Variants in TSHZ2 observed in about 807,000 individuals in gnomAD.
TSHZ2 encodes the protein teashirt zinc finger homeobox 2, also known as teashirt homolog 2.
In TSHZ2, 21 loss-of-function variants were observed where a neutral mutation model predicts 74.4. The observed-to-expected ratio is 0.28, with a 90% CI of 0.20 to 0.41. The LOEUF (loss-of-function observed/expected upper bound fraction) is 0.41. TSHZ2 is among the 10% of genes least tolerant of loss of function. The pLI is 1.00. For synonymous variants in TSHZ2, 540 were observed against 515.3 expected, an observed-to-expected ratio of 1.05 and a Z score of -0.65; for missense variants, 1,244 against 1,293.5, an observed-to-expected ratio of 0.96 and a Z score of 0.59.
intron 1 of TSHZ2, among the ~76,000 whole-genome samples, chr20:53,059,068 T>C (rs1182757764): frequency 6.6e-6 from 1 of 152,232 alleles, no homozygotes; most frequent in Non-Finnish European, 1.5e-5. Flanking sequence ...CTAAACATTT[T>C]TTCCCTGTCT....
intron 2 of TSHZ2, among the ~76,000 whole-genome samples, chr20:53,419,894 G>A (rs73913745): frequency 0.033 from 5,100 of 152,302 alleles, 258 homozygotes; most frequent in African/African-American, 0.11. Flanking sequence ...CCACGCTGCC[G>A]ATCTCCTAAT....
intron 1 of TSHZ2, among the ~76,000 whole-genome samples, chr20:53,056,994 G>C (rs1984662641): frequency 6.6e-6 from 1 of 152,178 alleles, no homozygotes; most frequent in African/African-American, 2.4e-5. Context: ...GACCTGGTGG[G>C]AGGTCATTGA....
intron 1 of TSHZ2, among the ~76,000 whole-genome samples, chr20:53,051,010 G>A (rs529781259): frequency 4.3e-4 from 66 of 152,266 alleles, no homozygotes; most frequent in African/African-American, 1.5e-3. Flanking sequence ...GGGAACTAGA[G>A]CATTTAGTAT....
At chr20:53,096,203 G>T (rs1443170306) in intron 1 of TSHZ2, among the ~76,000 whole-genome samples, 2 of 152,174 alleles carry the variant, frequency 1.3e-5, no homozygotes, top group African/African-American at 4.8e-5. Context: ...GTGCAGTGCT[G>T]CAATCTCGGC....
chr20:53,477,892 C>G (rs1051907696), intron 2 of TSHZ2, among the ~76,000 whole-genome samples: 1 of 151,260 alleles, frequency 6.6e-6, no homozygotes, highest in African/African-American at 2.4e-5. Context: ...ATTTATGCAG[C>G]CAACAGACAC....
intron 2 of TSHZ2, among the ~76,000 whole-genome samples, chr20:53,258,129 A>G (rs996463918): frequency 6.6e-6 from 1 of 152,192 alleles, no homozygotes; most frequent in African/African-American, 2.4e-5. Context: ...TCTAGACCCA[A>G]ATGAAGACTA....
At chr20:53,235,953 C>T (rs963079406) in intron 1 of TSHZ2, among the ~76,000 whole-genome samples, 17 of 152,314 alleles carry the variant, frequency 1.1e-4, no homozygotes, top group East Asian at 5.8e-4. Context: ...ATAATGAGAA[C>T]GTCACATTGA....
intron 1 of TSHZ2, among the ~76,000 whole-genome samples, chr20:53,157,046 G>C (rs192485320): frequency 1.3e-5 from 2 of 152,274 alleles, no homozygotes; most frequent in Admixed American, 6.5e-5. Context: ...TCACATGCAA[G>C]CTTTATTACT....
chr20:53,087,637 C>T (rs1398666059), intron 1 of TSHZ2, among the ~76,000 whole-genome samples: 1 of 152,214 alleles, frequency 6.6e-6, no homozygotes, highest in African/African-American at 2.4e-5. Flanking sequence ...CAAGGTCTTA[C>T]AGTTCTTGGT....
At chr20:53,194,218 T>A (rs937807775) in intron 1 of TSHZ2, among the ~76,000 whole-genome samples, 2 of 152,220 alleles carry the variant, frequency 1.3e-5, no homozygotes, top group Non-Finnish European at 2.9e-5. Context: ...GTTGGGAGCC[T>A]GCTGTTGCTT....
At chr20:53,268,791 A>C (rs566957445) in intron 2 of TSHZ2, among the ~76,000 whole-genome samples, 149 of 152,284 alleles carry the variant, frequency 9.8e-4, no homozygotes, top group African/African-American at 3.2e-3. Context: ...AAGACCACTT[A>C]AATTATAGTA....
In TSHZ2 at chr20:53,074,100, G is replaced by C. The variant is rs1049069248; in HGVS notation, c.40+100767G>C. ...TTGTAAAAGACATGTACATACAACT[G>C]TCTCTCACCTTCATGACATCCTTGG... is the stretch of plus-strand genomic sequence containing the variant. On this transcript the variant is annotated intron_variant, in intron 1 of 2. Coordinates refer to ENST00000371497, the MANE Select transcript of TSHZ2 (RefSeq NM_173485.6). The surrounding 1 kb of genome is among the most constrained non-coding windows in gnomAD (Gnocchi z 5.9). 1.3e-5 allele frequency among the ~76,000 whole-genome samples: 2 copies of C among 152,178 alleles called. No homozygotes were observed. The highest frequency in any genetic ancestry group is 2.9e-5 in the Non-Finnish European group (2 of 68,034).
intron 2 of TSHZ2, among the ~76,000 whole-genome samples, chr20:53,473,027 T>C (rs1355213106): frequency 2.0e-5 from 3 of 151,086 alleles, no homozygotes; most frequent in Non-Finnish European, 4.4e-5. Context: ...GTCTCGCTGA[T>C]TGCTAGCACA....
At chr20:53,484,984 TACCACCAAATAACAAGATGTAA>T (rs1986256435) in intron 2 of TSHZ2, among the ~76,000 whole-genome samples, 1 of 152,168 alleles carries the variant, frequency 6.6e-6, no homozygotes. Context: ...AAATGAACAT[TACCACCAAATAACAAGATGTAA>T]ACAAGAAACT....
intron 2 of TSHZ2, among the ~76,000 whole-genome samples, chr20:53,307,795 A>C (rs1053166168): frequency 3.9e-5 from 6 of 151,958 alleles, no homozygotes; most frequent in African/African-American, 1.2e-4. Flanking sequence ...ATGGTTTTAA[A>C]CCCCCAGAGG....
chr20:53,065,999 T>C (rs1984971350), intron 1 of TSHZ2, among the ~76,000 whole-genome samples: 1 of 152,168 alleles, frequency 6.6e-6, no homozygotes, highest in African/African-American at 2.4e-5. Context: ...CGCAGGGATC[T>C]GCAGCTCCCT....
At chr20:53,197,600 ATTT>A (rs1988903659) in intron 1 of TSHZ2, among the ~76,000 whole-genome samples, 2 of 152,154 alleles carry the variant, frequency 1.3e-5, no homozygotes, top group Non-Finnish European at 2.9e-5. Flanking sequence ...CAAGCATATA[ATTT>A]ATTTCTCCCC....
At chr20:53,410,552 TAAG>T (rs1413095158) in intron 2 of TSHZ2, among the ~76,000 whole-genome samples, 3 of 151,306 alleles carry the variant, frequency 2.0e-5, no homozygotes, top group Admixed American at 6.6e-5. Flanking sequence ...CATAACAACC[TAAG>T]AAGAAGTTTG....
At position 53,201,212 on chromosome 20, in the gene TSHZ2, A is replaced by T. The variant is rs140751433; in HGVS notation, c.41-52287A>T. Among the ~76,000 whole-genome samples, 195 of 152,346 alleles carry T rather than the reference A, an allele frequency of 1.3e-3. 1 individual carries two copies. The highest frequency in any genetic ancestry group is 0.01 in the Middle Eastern group (3 of 294). On this transcript the variant is annotated intron_variant, in intron 1 of 2. Coordinates refer to ENST00000371497, the MANE Select transcript of TSHZ2 (RefSeq NM_173485.6). The stretch of plus-strand genomic sequence containing the variant: ...TTTTGGATTGCTGATATAACACATT[A>T]TCACAAACGTAGTGGCATAAGGCAA...
Sources: allele counts gnomAD v4.1 joint callset (sites outside exome capture counted in the v4.1 genomes callset), GRCh38; gene constraint gnomAD v4.1.1; non-coding constraint Gnocchi (gnomAD v3.1); transcripts MANE v1.5; gene names NCBI Gene and HGNC (gene_info 2026-07-23, HGNC 2026-07-21).